Variants in AGBL1 observed in about 807,000 individuals in gnomAD.
AGBL1 encodes the protein AGBL carboxypeptidase 1.
Under a neutral mutation model 118.9 loss-of-function variants are expected in AGBL1, and 130 were observed. That is an observed-to-expected ratio of 1.09 (90% CI 0.95 to 1.26). The LOEUF (loss-of-function observed/expected upper bound fraction) is 1.26, where lower values mean the gene tolerates loss of function less well. Ranked by LOEUF, AGBL1 falls within the 50% of genes most tolerant of loss-of-function variation. The probability of loss-of-function intolerance (pLI) is 0.00; values close to 1 mark genes in which losing one functional copy is unlikely to be tolerated. For synonymous variants in AGBL1, 555 were observed against 478.9 expected (o/e 1.16, Z -2.08); for missense variants, 1,584 against 1,298.1 (o/e 1.22, Z -3.38).
chr15:86,492,334 A>T (rs1266662079), intron 18 of AGBL1, among the ~76,000 whole-genome samples: 1 of 152,140 alleles, frequency 6.6e-6, no homozygotes, highest in Non-Finnish European at 1.5e-5. Flanking sequence ...AGTATGGCTC[A>T]TAGGAGTAGC....
intron 5 of AGBL1, among the ~76,000 whole-genome samples, chr15:86,168,312 T>C (rs374783265): frequency 6.6e-6 from 1 of 152,064 alleles, no homozygotes; most frequent in South Asian, 2.1e-4. Context: ...TGATTTGAAA[T>C]AGGGAAGGAA....
At chr15:86,508,140 T>C (rs2083002767) in intron 18 of AGBL1, among the ~76,000 whole-genome samples, 1 of 151,846 alleles carries the variant, frequency 6.6e-6, no homozygotes, top group Admixed American at 6.6e-5. Context: ...GCCAGGATGA[T>C]CTCGATCTCT....
intron 17 of AGBL1, among the ~76,000 whole-genome samples, chr15:86,371,414 C>T (rs1413089223): frequency 6.6e-6 from 1 of 152,086 alleles, no homozygotes; most frequent in Admixed American, 6.5e-5. Context: ...TTTTCTTCCA[C>T]CCCTCAAGTC....
intron 1 of AGBL1, among the ~76,000 whole-genome samples, chr15:86,124,185 C>T (rs149245149): frequency 2.7e-4 from 41 of 151,990 alleles, no homozygotes; most frequent in African/African-American, 8.0e-4. Flanking sequence ...CAAAATGTAG[C>T]GGGGCATGGT....
At chr15:86,658,938 C>T (rs747785734) in intron 21 of AGBL1, among the ~76,000 whole-genome samples, 2 of 152,156 alleles carry the variant, frequency 1.3e-5, no homozygotes, top group Non-Finnish European at 2.9e-5. Flanking sequence ...CATGCAGATT[C>T]AGTGGAGGTT....
At chr15:86,212,306 T>A (rs1448918721) in intron 5 of AGBL1, among the ~76,000 whole-genome samples, 2 of 152,118 alleles carry the variant, frequency 1.3e-5, no homozygotes, top group East Asian at 3.9e-4. Context: ...CCGTAAACAA[T>A]GTTATAATAA....
At chr15:86,545,962 C>G (rs749622366) in intron 19 of AGBL1, 40 bp from the exon 20 acceptor site, 1 of 1,598,980 alleles carries the variant, frequency 6.3e-7, no homozygotes, top group Non-Finnish European at 8.6e-7. Flanking sequence ...AACCAATGAC[C>G]TGACCTGGTT....
At chr15:86,706,048 T>C (rs1422551706) in intron 22 of AGBL1, among the ~76,000 whole-genome samples, 1 of 152,112 alleles carries the variant, frequency 6.6e-6, no homozygotes, top group Non-Finnish European at 1.5e-5. Context: ...TAAGGTAAGG[T>C]TTAATTTCAT....
At chr15:86,364,923 C>T (rs889018652) in intron 17 of AGBL1, among the ~76,000 whole-genome samples, 1 of 142,278 alleles carries the variant, frequency 7.0e-6, no homozygotes. Context: ...AGTGTTTAGA[C>T]AGCCTGCAGG....
chr15:86,589,324 C>T (rs2084300424), intron 21 of AGBL1, among the ~76,000 whole-genome samples: 1 of 152,028 alleles, frequency 6.6e-6, no homozygotes, highest in African/African-American at 2.4e-5. Flanking sequence ...GAGGGCTGAC[C>T]ACCCCATGAG....
chr15:86,712,215 G>A (rs952166027), intron 22 of AGBL1, among the ~76,000 whole-genome samples: 11 of 152,074 alleles, frequency 7.2e-5, no homozygotes, highest in African/African-American at 2.7e-4. Flanking sequence ...TGTTTATCAT[G>A]GATTTAGGGT....
At chr15:86,789,142 T>C (rs927658062) in intron 22 of AGBL1, among the ~76,000 whole-genome samples, 1 of 152,228 alleles carries the variant, frequency 6.6e-6, no homozygotes, top group East Asian at 1.9e-4. Flanking sequence ...AATAAGGTCC[T>C]ACAAGCCACT....
intron 5 of AGBL1, among the ~76,000 whole-genome samples, chr15:86,170,570 T>C (rs901689040): frequency 3.3e-5 from 5 of 151,946 alleles, no homozygotes; most frequent in African/African-American, 1.2e-4. Flanking sequence ...ACCAGCCAGG[T>C]GTGGTGGCTT....
rs1019052901 is a variant in AGBL1, at chr15:86,970,575, T to G, written c.3222-17412T>G. ...ACGCAGGCCTATTACAAATTGTCTT[T>G]ATTTTCAGAGTTAGTTTTCTAAACT... On this transcript the variant is annotated intron_variant, in intron 23 of 24. Transcript: ENST00000441037. Among the ~76,000 whole-genome samples the G allele has an allele frequency of 9.9e-5, 15 of 152,146 alleles. No homozygotes were observed. The East Asian group carries it at 2.9e-3, about 30-fold the overall frequency.
chr15:86,302,166 AG>A (rs1201720381), intron 17 of AGBL1, among the ~76,000 whole-genome samples: 1 of 152,092 alleles, frequency 6.6e-6, no homozygotes, highest in Non-Finnish European at 1.5e-5. Context: ...CCTCCTTCTA[AG>A]GCTGGTTGAA....
chr15:86,784,930 TA>T lies in AGBL1; in HGVS notation c.3158+110503del, dbSNP rs539429718. 2.8e-3 allele frequency among the ~76,000 whole-genome samples: 426 copies of T among 151,806 alleles called. 3 individuals are homozygous for T. The highest frequency in any genetic ancestry group is 0.014 in the Middle Eastern group (4 of 292). On this transcript the variant is annotated intron_variant, in intron 22 of 22. Coordinates refer to ENST00000614907, the MANE Select transcript of AGBL1 (RefSeq NM_001386094.1). ...ATCAAGTTATTCAAAATAAGATTAT[TA>T]AAAAAAAATTAGCTCGTAAGTTCGT...
chr15:86,960,253 T>C (rs1029145461), intron 23 of AGBL1, among the ~76,000 whole-genome samples: 1 of 152,064 alleles, frequency 6.6e-6, no homozygotes, highest in Admixed American at 6.6e-5. Context: ...GGGAGCTACT[T>C]CTAGATCTTA....
intron 5 of AGBL1, among the ~76,000 whole-genome samples, chr15:86,175,070 G>C (rs939302464): frequency 5.3e-5 from 8 of 152,014 alleles, no homozygotes; most frequent in Non-Finnish European, 1.2e-4. Context: ...AGTAATTCTA[G>C]AAAAATTGGT....
intron 17 of AGBL1, among the ~76,000 whole-genome samples, chr15:86,298,078 A>G (rs2079674929): frequency 2.0e-5 from 3 of 151,578 alleles, no homozygotes; most frequent in African/African-American, 7.3e-5. Flanking sequence ...AATGCTTCAG[A>G]TACTGTGGCA....
Sources: gnomAD v4.1 joint callset for allele counts (sites outside exome capture counted in the v4.1 genomes callset) on GRCh38, gnomAD v4.1.1 for gene constraint, MANE v1.5 for transcripts, NCBI Gene and HGNC (gene_info 2026-07-23, HGNC 2026-07-21) for gene names.